Variants in SERPIND1 observed in about 807,000 individuals in gnomAD.
SERPIND1 encodes the protein heparin cofactor 2.
Under a neutral mutation model 35.0 loss-of-function variants are expected in SERPIND1, and 34 were observed. The observed-to-expected ratio is 0.97, with a 90% CI of 0.74 to 1.29. The LOEUF (loss-of-function observed/expected upper bound fraction) is 1.29. SERPIND1 is among the 50% of genes most tolerant of loss of function. The probability of loss-of-function intolerance (pLI) is 0.00; values close to 1 mark genes in which losing one functional copy is unlikely to be tolerated. For missense variants in SERPIND1, 633 were observed against 637.7 expected, an observed-to-expected ratio of 0.99 and a Z score of 0.08; for synonymous variants, 236 against 241.1, an observed-to-expected ratio of 0.98 and a Z score of 0.19.
At chr22:20,783,015 T>A (rs932230410) in intron 2 of SERPIND1, among the ~76,000 whole-genome samples, 1 of 152,114 alleles carries the variant, frequency 6.6e-6, no homozygotes, top group Non-Finnish European at 1.5e-5. Context: ...TTTCCTCATA[T>A]GTAAAAGAGG....
chr22:20,777,378 G>T (rs1933388130), intron 1 of SERPIND1, among the ~76,000 whole-genome samples: 1 of 151,982 alleles, frequency 6.6e-6, no homozygotes, highest in South Asian at 2.1e-4. Flanking sequence ...CACCACGCCG[G>T]CTAATTTTTT....
Position 20,779,921 on chromosome 22 carries a change from T to G in SERPIND1, c.609T>G (p.Arg203=), listed in dbSNP as rs1933630692. The G allele has an allele frequency of 1.9e-6, 3 of 1,614,132 alleles. No individual in the cohort carries two copies. The highest frequency in any genetic ancestry group is 2.5e-6 in the Non-Finnish European group (3 of 1,180,056). ...YEITTIHNLF[R]KLTHRLFRRN... is the part of the protein sequence containing the mutation. ...TCACGACCATTCATAATCTCTTCCG[T>G]AAGCTGACTCATCGCCTCTTCAGGA... Residue 203 remains arginine, a synonymous_variant, in exon 2 of 5, where the codon CGT becomes CGG. Transcript: ENST00000215727.
Position 20,779,676 on chromosome 22 carries a change from C to T in SERPIND1, c.364C>T (p.Arg122Trp). ...NILQLFHGKS[R>W]IQRLNILNAK... is the part of the protein sequence containing the mutation. ...CCTCCAGCTTTTTCATGGCAAGAGC[C>T]GGATCCAGCGTCTTAACATCCTCAA... The change falls in exon 2 of 5, where the codon CGG (arginine) becomes TGG (tryptophan). Residue 122 changes from arginine to tryptophan, a missense_variant. Physicochemically the swap from Arg to Trp is moderately radical, Grantham distance 101. Coordinates refer to ENST00000215727, the MANE Select transcript of SERPIND1 (RefSeq NM_000185.4). 2 of 1,614,170 alleles carry T rather than the reference C, an allele frequency of 1.2e-6. No homozygotes were observed. The highest frequency in any genetic ancestry group is 1.7e-6 in the Non-Finnish European group (2 of 1,179,972).
chr22:20,783,697 A>G (rs1933979320), intron 2 of SERPIND1, among the ~76,000 whole-genome samples: 1 of 152,212 alleles, frequency 6.6e-6, no homozygotes, highest in Admixed American at 6.5e-5. Flanking sequence ...AGATGAAGAA[A>G]TAGAAGCGAG....
chr22:20,777,031 C>G (rs886608648), intron 1 of SERPIND1, among the ~76,000 whole-genome samples: 3 of 121,276 alleles, frequency 2.5e-5, no homozygotes, highest in Non-Finnish European at 5.2e-5. Context: ...TAACAAAAGG[C>G]AGTTTTTTTT....
At chr22:20,777,009 A>G (rs1425364673) in intron 1 of SERPIND1, among the ~76,000 whole-genome samples, 5 of 151,658 alleles carry the variant, frequency 3.3e-5, no homozygotes, top group African/African-American at 1.2e-4. Flanking sequence ...GGTCACAGAC[A>G]CAAAATAAGC....
rs775429824 is a variant in SERPIND1 at position 20,780,110 on chromosome 22, C to T, written c.798C>T (p.Ile266=). Residue 266 remains isoleucine (I), a synonymous_variant, in exon 2 of 5, where the codon ATC becomes ATT. Coordinates refer to ENST00000215727, the MANE Select transcript of SERPIND1 (RefSeq NM_000185.4). ...PAFISKTNNH[I]MKLTKGLIKD... is the part of the protein sequence containing the mutation. ...TCATATCAAAAACCAACAACCACAT[C>T]ATGAAGCTCACCAAGGGCCTCATAA... The T allele has an allele frequency of 1.2e-6, 2 of 1,614,188 alleles. No individual in the cohort carries two copies. The highest frequency in any genetic ancestry group is 2.2e-5 in the South Asian group (2 of 91,084).
chr22:20,780,217 A>G lies in SERPIND1; in HGVS notation c.889+16A>G. On this transcript the variant is annotated intron_variant, in intron 2 of 4. Transcript: ENST00000215727. ...TACTTCAAAGGTAAGAGGCACCTTT[A>G]CAGTTCTCACAGCAAACCCACAACA... 1 of 1,614,232 alleles carries G rather than the reference A, an allele frequency of 6.2e-7. No individual in the cohort carries two copies. The highest frequency in any genetic ancestry group is 8.5e-7 in the Non-Finnish European group (1 of 1,180,044).
Position 20,784,140 on chromosome 22 carries a change from T to C in SERPIND1, c.1058T>C (p.Ile353Thr). Residue 353 changes from isoleucine to threonine, a missense_variant, in exon 3 of 5, where the codon ATC becomes ACC. Coordinates refer to ENST00000215727, the MANE Select transcript of SERPIND1 (RefSeq NM_000185.4). ...DILQLEYVGG[I>T]SMLIVVPHKM... ...CTCCAGCTGGAATACGTGGGGGGCA[T>C]CAGCATGCTAATTGTGGTCCCACAC... is the stretch of plus-strand genomic sequence containing the variant. The C allele has an allele frequency of 6.2e-7, 1 of 1,614,126 alleles. No individual in the cohort carries two copies.
chr22:20,783,425 C>T (rs961466008), intron 2 of SERPIND1, among the ~76,000 whole-genome samples: 25 of 140,644 alleles, frequency 1.8e-4, no homozygotes, highest in Non-Finnish European at 3.1e-4. Context: ...AGCAAGACCC[C>T]ATCTACAATT....
chr22:20,787,022 T>C lies in SERPIND1; in HGVS notation c.1456T>C (p.Cys486Arg). 1.9e-6 allele frequency: 3 copies of C among 1,614,228 alleles called. No individual in the cohort carries two copies. Among genetic ancestry groups the C allele is most frequent in the South Asian group, 2.2e-5 (2 of 91,086 alleles). ...LFLIYEHRTS[C>R]LLFMGRVANP... ...CCTCATCTACGAGCATCGCACCAGC[T>C]GCCTGCTCTTCATGGGAAGAGTGGC... Residue 486 changes from cysteine to arginine, a missense_variant, in exon 5 of 5, where the codon TGC (cysteine) becomes CGC (arginine). Physicochemically the swap from Cys to Arg is radical, Grantham distance 180 (BLOSUM62 -3). Transcript: ENST00000215727.
chr22:20,775,603 C>G (rs993611899), intron 1 of SERPIND1, among the ~76,000 whole-genome samples: 4 of 152,064 alleles, frequency 2.6e-5, no homozygotes, highest in African/African-American at 9.7e-5. Context: ...GTTCTTTAAC[C>G]TTATTTTTAT....
intron 1 of SERPIND1, among the ~76,000 whole-genome samples, chr22:20,777,470 G>A (rs1447991216): frequency 3.3e-5 from 5 of 152,056 alleles, no homozygotes; most frequent in South Asian, 2.1e-4. Flanking sequence ...CGCCCACCTC[G>A]GCCTCCCAAA....
In SERPIND1 at chr22:20,786,934, C is replaced by T; in HGVS notation, c.1368C>T (p.Thr456=). 6.2e-7 allele frequency: 1 copy of T among 1,614,150 alleles called. No individual in the cohort carries two copies. The highest frequency in any genetic ancestry group is 8.5e-7 in the Non-Finnish European group (1 of 1,180,038). ...NEEGTQATTV[T]TVGFMPLSTQ... ...AAGGCACCCAAGCCACCACTGTGAC[C>T]ACGGTGGGGTTCATGCCGCTGTCCA... is the stretch of plus-strand genomic sequence containing the variant. The change falls in exon 5 of 5, where the codon ACC becomes ACT. Residue 456 remains threonine (T), a synonymous_variant. Coordinates refer to ENST00000215727, the MANE Select transcript of SERPIND1 (RefSeq NM_000185.4).
chr22:20,778,986 A>G (rs1477817642), intron 1 of SERPIND1, among the ~76,000 whole-genome samples: 1 of 152,196 alleles, frequency 6.6e-6, no homozygotes, highest in African/African-American at 2.4e-5. Context: ...AGGTGTCTGG[A>G]GAAAAACAAA....
chr22:20,784,290 G>A (rs753745316), intron 3 of SERPIND1, 45 bp downstream of exon 3: 4 of 1,612,168 alleles, frequency 2.5e-6, no homozygotes, highest in East Asian at 2.2e-5. Flanking sequence ...CCAGATGCTG[G>A]GGGTGTCTGG....
At chr22:20,775,177 C>T (rs1933169751) in intron 1 of SERPIND1, among the ~76,000 whole-genome samples, 2 of 150,266 alleles carry the variant, frequency 1.3e-5, no homozygotes, top group Admixed American at 6.7e-5. Context: ...CAAGAAAGCA[C>T]AATATGAAGT....
chr22:20,775,167 C>T (rs1933168755), intron 1 of SERPIND1, among the ~76,000 whole-genome samples: 1 of 149,950 alleles, frequency 6.7e-6, no homozygotes, highest in East Asian at 2.0e-4. Context: ...TGGCAATTAG[C>T]AAGAAAGCAC....
At chr22:20,783,250 CCAA>C (rs1180917534) in intron 2 of SERPIND1, among the ~76,000 whole-genome samples, 3 of 152,066 alleles carry the variant, frequency 2.0e-5, no homozygotes, top group African/African-American at 7.2e-5. Flanking sequence ...ATGGCATCAC[CCAA>C]ATGTCTTGTT....
Sources: allele counts gnomAD v4.1 joint callset (sites outside exome capture counted in the v4.1 genomes callset), GRCh38; gene constraint gnomAD v4.1.1; transcripts MANE v1.5; gene names NCBI Gene and HGNC (gene_info 2026-07-23, HGNC 2026-07-21).